The following FBXL17 variants were observed in gnomAD, a reference collection of about 807,000 sequenced individuals.
FBXL17 encodes the protein F-box/LRR-repeat protein 17.
In FBXL17, 22 loss-of-function variants were observed where a neutral mutation model predicts 66.2. The ratio of observed to expected loss-of-function variants is 0.33; its 90% CI spans 0.24 to 0.47. FBXL17 has a LOEUF of 0.47. Ranked by LOEUF, FBXL17 falls within the 20% of genes least tolerant of loss-of-function variation. FBXL17 has a pLI of 1.00. For missense variants in FBXL17, 878 were observed against 948.2 expected, an observed-to-expected ratio of 0.93 and a Z score of 0.97; for synonymous variants, 474 against 400.5, an observed-to-expected ratio of 1.18 and a Z score of -2.19.
intron 8 of FBXL17, among the ~76,000 whole-genome samples, chr5:107,863,578 T>C (rs1279861173): frequency 1.3e-5 from 2 of 152,158 alleles, no homozygotes; most frequent in African/African-American, 2.4e-5. Flanking sequence ...TTTTCCCCCA[T>C]AGTACTTATT....
intron 6 of FBXL17, among the ~76,000 whole-genome samples, chr5:108,137,845 A>C (rs1002744692): frequency 6.6e-6 from 1 of 152,306 alleles, no homozygotes; most frequent in East Asian, 1.9e-4. Context: ...TTTTAGGTCC[A>C]GTACGAACTG....
intron 7 of FBXL17, among the ~76,000 whole-genome samples, chr5:107,969,706 T>C (rs78484708): frequency 6.6e-6 from 1 of 152,268 alleles, no homozygotes; most frequent in East Asian, 1.9e-4. Context: ...GACAAGGGAA[T>C]TGGCATTTTT....
chr5:108,247,897 C>T (rs1203199291), intron 4 of FBXL17, among the ~76,000 whole-genome samples: 1 of 152,172 alleles, frequency 6.6e-6, no homozygotes, highest in Non-Finnish European at 1.5e-5. Flanking sequence ...CTAAGAACAG[C>T]TAAAAACTCT....
intron 7 of FBXL17, among the ~76,000 whole-genome samples, chr5:108,014,409 A>T (rs1410490820): frequency 2.6e-5 from 4 of 152,154 alleles, no homozygotes; most frequent in African/African-American, 9.6e-5. Context: ...AATGAAGGCT[A>T]GAATGTTTCT....
intron 7 of FBXL17, among the ~76,000 whole-genome samples, chr5:107,961,209 C>A (rs1300240459): frequency 6.6e-6 from 1 of 151,108 alleles, no homozygotes; most frequent in African/African-American, 2.4e-5. Flanking sequence ...TTTTCTTTTT[C>A]TTTTCTTTTT....
intron 7 of FBXL17, among the ~76,000 whole-genome samples, chr5:107,929,428 C>T (rs894989979): frequency 2.6e-5 from 4 of 152,042 alleles, no homozygotes; most frequent in Non-Finnish European, 4.4e-5. Flanking sequence ...AGTGGGAACA[C>T]ATAGTAAATT....
intron 7 of FBXL17, among the ~76,000 whole-genome samples, chr5:107,931,219 C>A (rs1276728450): frequency 1.3e-5 from 2 of 151,866 alleles, no homozygotes; most frequent in Non-Finnish European, 2.9e-5. Flanking sequence ...GAAGTCAAAA[C>A]CTCTTCAGCA....
chr5:108,106,073 A>C (rs1171471209), intron 6 of FBXL17, among the ~76,000 whole-genome samples: 1 of 152,132 alleles, frequency 6.6e-6, no homozygotes, highest in African/African-American at 2.4e-5. Flanking sequence ...TCATTCAAGC[A>C]GTAAGTGCTA....
Position 108,034,016 on chromosome 5 carries a change from A to G in FBXL17, c.1746-13015T>C, listed in dbSNP as rs529206206. 1.4e-3 allele frequency among the ~76,000 whole-genome samples: 209 copies of G among 152,272 alleles called. 1 individual carries two copies. The highest frequency in any genetic ancestry group is 4.9e-3 in the African/African-American group (204 of 41,560). ...ATATAATTAATGCATTTTACAGGCA[A>G]TACTTGTTGTAAACCCCATGCAATA... On this transcript the variant is annotated intron_variant, in intron 6 of 8. Coordinates refer to ENST00000542267, the MANE Select transcript of FBXL17 (RefSeq NM_001163315.3).
At chr5:108,256,932 T>C (rs1052181934) in intron 4 of FBXL17, among the ~76,000 whole-genome samples, 2 of 152,136 alleles carry the variant, frequency 1.3e-5, no homozygotes, top group African/African-American at 4.8e-5. Context: ...CACTAAAGGA[T>C]ATTTTTAAAG....
intron 8 of FBXL17, chr5:107,878,612 A>T: frequency 2.0e-6 from 2 of 985,238 alleles, no homozygotes; most frequent in Non-Finnish European, 2.4e-6. Flanking sequence ...TTTGTTACTC[A>T]TATCTTCCTT....
At position 108,009,308 on chromosome 5, in the gene FBXL17, T is replaced by TATATATACACAC; in HGVS notation, c.1822+11616_1822+11617insGTGTGTATATAT. Among the ~76,000 whole-genome samples the TATATATACACAC allele has an allele frequency of 1.2e-3, 52 of 42,204 alleles. 11 individuals carry two copies. The highest frequency in any genetic ancestry group is 3.7e-3 in the East Asian group (4 of 1,086). The allele number at this position is 42,204 out of a possible 152,430, so 27.7% of individuals were successfully genotyped here. ...ATATATATATATATATATACATATA[T>TATATATACACAC]ACATACACATATAGTTTTGCTTTTG... On this transcript the variant is annotated intron_variant, in intron 7 of 8. Transcript: ENST00000542267.
At chr5:107,886,391 G>A in intron 7 of FBXL17, among the ~76,000 whole-genome samples, 1 of 152,030 alleles carries the variant, frequency 6.6e-6, no homozygotes, top group East Asian at 1.9e-4. Flanking sequence ...CTTTCTGCTG[G>A]GAGGAACTGA....
At chr5:107,935,762 C>T (rs1750889304) in intron 7 of FBXL17, among the ~76,000 whole-genome samples, 1 of 152,066 alleles carries the variant, frequency 6.6e-6, no homozygotes, top group Admixed American at 6.6e-5. Context: ...AATGCCAGCA[C>T]CAGCTTGTCC....
At chr5:108,170,918 A>C (rs746225971) in intron 6 of FBXL17, among the ~76,000 whole-genome samples, 4 of 152,226 alleles carry the variant, frequency 2.6e-5, no homozygotes, top group African/African-American at 4.8e-5. Flanking sequence ...ATTCTAAGGA[A>C]GGGTCTTCTT....
chr5:108,114,169 G>A (rs1222113862), intron 6 of FBXL17, among the ~76,000 whole-genome samples: 2 of 151,982 alleles, frequency 1.3e-5, no homozygotes, highest in Non-Finnish European at 2.9e-5. Context: ...TACCCCTCCC[G>A]AAGAGTTTAT....
At chr5:108,340,596 G>C (rs1746814646) in intron 4 of FBXL17, among the ~76,000 whole-genome samples, 1 of 152,082 alleles carries the variant, frequency 6.6e-6, no homozygotes, top group South Asian at 2.1e-4. Context: ...ACTTTGGCTG[G>C]ATAAATTTGA....
At chr5:108,017,369 T>A (rs2112755003) in intron 7 of FBXL17, among the ~76,000 whole-genome samples, 1 of 152,296 alleles carries the variant, frequency 6.6e-6, no homozygotes, top group South Asian at 2.1e-4. Flanking sequence ...TAGGTCAAAT[T>A]TCTAAATAAT....
intron 4 of FBXL17, among the ~76,000 whole-genome samples, chr5:108,226,858 T>C (rs985024867): frequency 3.3e-5 from 5 of 152,210 alleles, no homozygotes; most frequent in South Asian, 2.1e-4. Flanking sequence ...ACTTTCACCA[T>C]TGGCTCTCCC....
Sources: gnomAD v4.1 joint callset for allele counts (sites outside exome capture counted in the v4.1 genomes callset) on GRCh38, gnomAD v4.1.1 for gene constraint, MANE v1.5 for transcripts, NCBI Gene and HGNC (gene_info 2026-07-23, HGNC 2026-07-21) for gene names.